The following TCEA1 variants were observed in gnomAD, a reference collection of about 807,000 sequenced individuals.
TCEA1 encodes transcription elongation factor A1.
TCEA1 carries 21 observed loss-of-function variants against 43.8 expected under a neutral mutation model. The ratio of observed to expected loss-of-function variants is 0.48; its 90% confidence interval spans 0.34 to 0.69. The LOEUF (loss-of-function observed/expected upper bound fraction) is 0.69, where lower values mean the gene tolerates loss of function less well. Ranked by LOEUF, TCEA1 falls within the 30% of genes least tolerant of loss-of-function variation. The pLI, the probability that TCEA1 is intolerant of heterozygous loss-of-function variation, is 0.01. For missense variants in TCEA1, 250 were observed against 365.1 expected (o/e 0.68, Z 2.57); for synonymous variants, 104 against 117.5 (o/e 0.88, Z 0.75).
chr8:53,975,410 G>A (rs2129299332), intron 8 of TCEA1, among the ~76,000 whole-genome samples: 1 of 152,266 alleles, frequency 6.6e-6, no homozygotes. Context: ...CAAAAGAAAG[G>A]AAGTAGAGTC....
rs1805071245 is a variant in TCEA1 at position 54,022,256 on chromosome 8, C to G, written c.-131G>C. On this transcript the variant is annotated 5_prime_UTR_variant, in exon 1 of 10. Transcript: ENST00000521604. Reference sequence around the variant, plus strand: ...CCACCGCAGGCCCGGGCCTAGGCCCCCTTCCTTACGAACGAAGCCCGCGGC... The same window carrying G: ...CCACCGCAGGCCCGGGCCTAGGCCCGCTTCCTTACGAACGAAGCCCGCGGC... The G allele has an allele frequency of 8.5e-7, 1 of 1,171,480 alleles. No homozygotes were observed. The highest frequency in any genetic ancestry group is 1.6e-5 in the African/African-American group (1 of 62,428). The allele number at this position is 1,171,480 out of a possible 1,614,324, so 72.6% of individuals were successfully genotyped here. A position where few individuals can be genotyped will look rare whatever the true frequency, so the allele number is the denominator to read the frequency against.
chr8:53,991,788 C>A (rs567588530), intron 4 of TCEA1, among the ~76,000 whole-genome samples: 3 of 151,546 alleles, frequency 2.0e-5, no homozygotes, highest in African/African-American at 4.8e-5. Flanking sequence ...ACGGATATAA[C>A]GTTAGAAAAA....
At chr8:54,016,413 G>A (rs1230498718) in intron 1 of TCEA1, among the ~76,000 whole-genome samples, 1 of 152,184 alleles carries the variant, frequency 6.6e-6, no homozygotes, top group African/African-American at 2.4e-5. Flanking sequence ...GGAGCTTACA[G>A]TGAGCCATCA....
intron 2 of TCEA1, among the ~76,000 whole-genome samples, chr8:54,007,209 G>C (rs191191200): frequency 2.0e-4 from 31 of 152,136 alleles, no homozygotes; most frequent in Non-Finnish European, 4.1e-4. Flanking sequence ...AGCTTATGGA[G>C]CCCTTCTCAG....
intron 8 of TCEA1, chr8:53,971,882 G>GA (rs1486816313): frequency 2.6e-5 from 5 of 190,278 alleles, no homozygotes; most frequent in African/African-American, 1.2e-4. Flanking sequence ...AGATAATTCT[G>GA]AGAGAATTAA....
At chr8:53,993,954 T>C (rs140387269) in intron 3 of TCEA1, among the ~76,000 whole-genome samples, 199 bp from the exon 4 acceptor site, 4 of 152,318 alleles carry the variant, frequency 2.6e-5, no homozygotes, top group African/African-American at 9.6e-5. Flanking sequence ...ATTCCCTCAT[T>C]TGGTGGGAAC....
At chr8:53,968,570 A>G (rs1403732709) in intron 9 of TCEA1, among the ~76,000 whole-genome samples, 1 of 152,152 alleles carries the variant, frequency 6.6e-6, no homozygotes, top group East Asian at 1.9e-4. Context: ...TCAGCTGGGC[A>G]CGGTGGCTCA....
At chr8:53,995,220 GGGA>G (rs1336084872) in intron 3 of TCEA1, among the ~76,000 whole-genome samples, 1 of 151,084 alleles carries the variant, frequency 6.6e-6, no homozygotes, top group Non-Finnish European at 1.5e-5. Flanking sequence ...ATTTGAACCT[GGGA>G]GGAGGAGGTT....
At chr8:54,012,797 T>A (rs1343540695) in intron 1 of TCEA1, among the ~76,000 whole-genome samples, 1 of 151,970 alleles carries the variant, frequency 6.6e-6, no homozygotes, top group Non-Finnish European at 1.5e-5. Context: ...AAAAATTAGC[T>A]GGCCATAGTG....
At chr8:54,017,482 CTTTTT>C (rs925967535) in intron 1 of TCEA1, among the ~76,000 whole-genome samples, 2 of 152,100 alleles carry the variant, frequency 1.3e-5, no homozygotes, top group Admixed American at 6.6e-5. Flanking sequence ...CTTTTCTTTT[CTTTTT>C]TGAGACATTG....
chr8:53,988,344 AT>A (rs1258524329), intron 4 of TCEA1, 85 bp from the exon 5 acceptor site: 2 of 1,486,560 alleles, frequency 1.3e-6, no homozygotes, highest in African/African-American at 2.8e-5. Context: ...TAAAAACAAA[AT>A]TTGGGGTCTA....
At chr8:54,019,866 A>G (rs1307843715) in intron 1 of TCEA1, among the ~76,000 whole-genome samples, 1 of 152,174 alleles carries the variant, frequency 6.6e-6, no homozygotes, top group Non-Finnish European at 1.5e-5. Flanking sequence ...AGAGCCAGTC[A>G]GTTTTACCTT....
chr8:53,991,076 C>T (rs1031460435), intron 4 of TCEA1, among the ~76,000 whole-genome samples: 1 of 152,076 alleles, frequency 6.6e-6, no homozygotes, highest in Non-Finnish European at 1.5e-5. Flanking sequence ...TATACCTACA[C>T]GTCAAGCACG....
intron 8 of TCEA1, chr8:53,972,842 T>C (rs571603939): frequency 2.8e-6 from 2 of 721,202 alleles, no homozygotes; most frequent in Non-Finnish European, 5.3e-6. Flanking sequence ...TTGAAAGTAG[T>C]TGTTCTTTCA....
intron 2 of TCEA1, among the ~76,000 whole-genome samples, chr8:54,003,586 C>A (rs2129309964): frequency 6.6e-6 from 1 of 152,178 alleles, no homozygotes; most frequent in Non-Finnish European, 1.5e-5. Flanking sequence ...CAAGACAATT[C>A]ATTGGAGAAA....
chr8:53,990,167 C>T (rs1198717880), intron 4 of TCEA1, among the ~76,000 whole-genome samples: 1 of 150,948 alleles, frequency 6.6e-6, no homozygotes. Flanking sequence ...CACTGCACTC[C>T]ATCCTGGGTA....
intron 1 of TCEA1, among the ~76,000 whole-genome samples, chr8:54,018,287 A>G (rs1273701229): frequency 6.6e-6 from 1 of 152,204 alleles, no homozygotes; most frequent in African/African-American, 2.4e-5. Context: ...AATAAACCTC[A>G]GCACTACCCA....
intron 3 of TCEA1, 108 bp from the exon 4 acceptor site, chr8:53,993,863 T>C: frequency 1.2e-6 from 1 of 849,908 alleles, no homozygotes; most frequent in South Asian, 1.6e-5. Flanking sequence ...CTAAGTTTCC[T>C]ACAAGTAGAT....
chr8:53,999,030 C>T (rs1462514506), intron 3 of TCEA1, among the ~76,000 whole-genome samples: 3 of 151,926 alleles, frequency 2.0e-5, no homozygotes, highest in Non-Finnish European at 4.4e-5. Flanking sequence ...TGATCGAGAC[C>T]ACCCTGGCTA....
Sources: allele counts gnomAD v4.1 joint callset (sites outside exome capture counted in the v4.1 genomes callset), GRCh38; gene constraint gnomAD v4.1.1; transcripts MANE v1.5; gene names NCBI Gene and HGNC (gene_info 2026-07-23, HGNC 2026-07-21).